Variants in NOM1 observed in about 807,000 individuals in gnomAD.
NOM1 encodes nucleolar MIF4G domain-containing protein 1.
A neutral mutation model predicts 73.3 loss-of-function variants in NOM1; 58 were observed. The observed-to-expected ratio is 0.79, with a 90% CI of 0.64 to 0.99. The LOEUF (loss-of-function observed/expected upper bound fraction) is 0.99, where lower values mean the gene tolerates loss of function less well. NOM1 is among the 50% of genes least tolerant of loss of function. The pLI is 0.00. For synonymous variants in NOM1, 487 were observed against 446.8 expected, an observed-to-expected ratio of 1.09 and a Z score of -1.14; for missense variants, 1,226 against 1,131.9, an observed-to-expected ratio of 1.08 and a Z score of -1.19.
chr7:156,964,168 G>A (rs944132131), intron 7 of NOM1, 142 bp downstream of exon 7: 1 of 740,858 alleles, frequency 1.3e-6, no homozygotes, highest in Non-Finnish European at 2.1e-6. Flanking sequence ...CGCTCACGCT[G>A]TTGGATTCGT....
chr7:156,962,992 C>A lies in NOM1; in HGVS notation c.1744-16C>A. Reference sequence around the variant, plus strand: ...ACCAATTAAAAGCATTTCATTAGCTCTTCTCTCTTCATCAGGTCCGCAACG... The same window carrying A: ...ACCAATTAAAAGCATTTCATTAGCTATTCTCTCTTCATCAGGTCCGCAACG... On this transcript the variant is annotated splice_polypyrimidine_tract_variant and intron_variant, in intron 5 of 10. Coordinates refer to ENST00000275820, the MANE Select transcript of NOM1 (RefSeq NM_138400.2). The A allele has an allele frequency of 6.2e-7, 1 of 1,605,760 alleles. No individual in the cohort carries two copies. Among genetic ancestry groups the A allele is most frequent in the East Asian group, 2.2e-5 (1 of 44,636 alleles).
intron 9 of NOM1, 54 bp from the exon 10 acceptor site, chr7:156,969,033 A>G (rs1805075071): frequency 1.1e-6 from 1 of 946,782 alleles, no homozygotes; most frequent in Non-Finnish European, 1.7e-6. Flanking sequence ...CAAATCATTG[A>G]AAAAGTTGGC....
At chr7:156,965,938 T>C (rs1312118535) in intron 7 of NOM1, among the ~76,000 whole-genome samples, 1 of 151,918 alleles carries the variant, frequency 6.6e-6, no homozygotes, top group Non-Finnish European at 1.5e-5. Flanking sequence ...AAATGTGAAG[T>C]CATCGCCATA....
intron 2 of NOM1, among the ~76,000 whole-genome samples, chr7:156,953,115 TTTTTG>T (rs55948664): frequency 0.19 from 28,840 of 151,688 alleles, 2,895 homozygotes; most frequent in East Asian, 0.29. Context: ...TGTGTAGGTT[TTTTTG>T]TTTTGTTTTG....
In NOM1 at chr7:156,959,935, C is replaced by CTGT. The variant is rs1388003419; in HGVS notation, c.1395_1397dup (p.Leu465dup). The CTGT allele has an allele frequency of 6.2e-6, 10 of 1,613,406 alleles. No homozygotes were observed. The highest frequency in any genetic ancestry group is 8.5e-6 in the Non-Finnish European group (10 of 1,179,780). ...AAGCGAAGGGAAAGAGTGTGACAAC[C>CTGT]TGTTCACCGTCATTGCCCATTTATA... On this transcript the variant is annotated inframe_insertion, in exon 4 of 11. Coordinates refer to ENST00000275820, the MANE Select transcript of NOM1 (RefSeq NM_138400.2).
At position 156,966,283 on chromosome 7, in the gene NOM1, G is replaced by A. The variant is rs371030013; in HGVS notation, c.2047G>A (p.Asp683Asn). 2.5e-6 allele frequency: 4 copies of A among 1,613,876 alleles called. No individual in the cohort carries two copies. Among genetic ancestry groups the A allele is most frequent in the African/African-American group, 2.7e-5 (2 of 74,932 alleles). ...FEKLLKLGLK[D>N]QQEREIIHVL... ...TCTGTTTTCTAGGCTTGGACTTAAG[G>A]ATCAGCAGGAGAGAGAAATCATTCA... is the stretch of plus-strand genomic sequence containing the variant. The change falls in exon 8 of 11, where the codon GAT becomes AAT. Residue 683 changes from aspartate to asparagine, a missense_variant. Coordinates refer to ENST00000275820, the MANE Select transcript of NOM1 (RefSeq NM_138400.2).
At chr7:156,953,680 A>G (rs756743701) in intron 2 of NOM1, among the ~76,000 whole-genome samples, 10 of 152,200 alleles carry the variant, frequency 6.6e-5, no homozygotes, top group Non-Finnish European at 1.5e-4. Flanking sequence ...ACCCGTTCAA[A>G]CAGAGCAGCC....
At chr7:156,965,530 T>G (rs1804972247) in intron 7 of NOM1, among the ~76,000 whole-genome samples, 1 of 152,240 alleles carries the variant, frequency 6.6e-6, no homozygotes, top group Non-Finnish European at 1.5e-5. Flanking sequence ...GTTTCGGCAT[T>G]GCCGGTGGTG....
intron 2 of NOM1, 77 bp downstream of exon 2, chr7:156,952,675 A>C: frequency 1.4e-6 from 2 of 1,480,118 alleles, no homozygotes; most frequent in Non-Finnish European, 1.9e-6. Context: ...TATCCCAGCA[A>C]TTCAAATAGA....
chr7:156,969,259 G>A (rs879178004), intron 10 of NOM1, 63 bp downstream of exon 10: 1 of 987,256 alleles, frequency 1.0e-6, no homozygotes, highest in South Asian at 1.3e-5. Context: ...TTTCACTTGT[G>A]TTGATTTACA....
At chr7:156,966,514 C>A in intron 8 of NOM1, 112 bp downstream of exon 8, 1 of 1,267,930 alleles carries the variant, frequency 7.9e-7, no homozygotes. Context: ...CCCCTGATAT[C>A]CCCGTCACCT....
chr7:156,957,099 A>G (rs2046212816), intron 3 of NOM1, among the ~76,000 whole-genome samples: 2 of 152,226 alleles, frequency 1.3e-5, no homozygotes, highest in Non-Finnish European at 2.9e-5. Flanking sequence ...GGACAATGAA[A>G]TGACTTGTTC....
chr7:156,969,502 A>G, intron 10 of NOM1, 27 bp from the exon 11 acceptor site: 2 of 1,598,454 alleles, frequency 1.3e-6, no homozygotes, highest in Non-Finnish European at 1.7e-6. Context: ...CTCAGCCCTG[A>G]CATGTGTTTA....
intron 1 of NOM1, among the ~76,000 whole-genome samples, chr7:156,951,776 C>T (rs994150419): frequency 3.3e-5 from 5 of 151,774 alleles, no homozygotes; most frequent in Non-Finnish European, 5.9e-5. Context: ...GGTGCAGTCT[C>T]CGCCCACTGC....
intron 9 of NOM1, 78 bp from the exon 10 acceptor site, chr7:156,969,009 A>G: frequency 2.5e-6 from 2 of 791,188 alleles, no homozygotes; most frequent in Non-Finnish European, 2.2e-6. Context: ...TTTTTACTCT[A>G]ATTAACTATA....
Position 156,969,925 on chromosome 7 carries a change from A to G in NOM1, c.*222A>G. 1 of 364,432 alleles carries G rather than the reference A, an allele frequency of 2.7e-6. No homozygotes were observed. The allele number at this position is 364,432 out of a possible 1,614,324, so 22.6% of individuals were successfully genotyped here. A position where few individuals can be genotyped will look rare whatever the true frequency, so the allele number is the denominator to read the frequency against. Reference sequence around the variant, plus strand: ...GGTGAGAGGAGAAGGAGGGAGGGAAAAGGGGTCAGGCACACTGGACAGGGT... The same window carrying G: ...GGTGAGAGGAGAAGGAGGGAGGGAAGAGGGGTCAGGCACACTGGACAGGGT... On this transcript the variant is annotated 3_prime_UTR_variant, in exon 11 of 11. Transcript: ENST00000275820.
intron 2 of NOM1, 32 bp downstream of exon 2, chr7:156,952,630 T>C (rs1804623364): frequency 1.9e-6 from 3 of 1,595,992 alleles, no homozygotes; most frequent in Non-Finnish European, 2.6e-6. Flanking sequence ...ACTGTGTCAC[T>C]TAGAGAGGTT....
intron 8 of NOM1, among the ~76,000 whole-genome samples, 185 bp downstream of exon 8, chr7:156,966,587 G>T (rs541894972): frequency 1.3e-5 from 2 of 152,340 alleles, no homozygotes; most frequent in Admixed American, 1.3e-4. Context: ...AGAGGGGAGT[G>T]TCAAGGGTCC....
chr7:156,960,713 G>C (rs1408953015), intron 4 of NOM1, among the ~76,000 whole-genome samples: 2 of 152,228 alleles, frequency 1.3e-5, no homozygotes, highest in African/African-American at 2.4e-5. Context: ...GCAGGGAATT[G>C]AGGGTTTTAT....
Sources: allele counts gnomAD v4.1 joint callset (sites outside exome capture counted in the v4.1 genomes callset), GRCh38; gene constraint gnomAD v4.1.1; transcripts MANE v1.5; gene names NCBI Gene and HGNC (gene_info 2026-07-23, HGNC 2026-07-21).